The following CDC6 variants were observed in gnomAD, a reference collection of about 807,000 sequenced individuals.
The protein encoded by CDC6 is cell division cycle 6, also known as DNA replication factor CDC6.
Under a neutral mutation model 60.2 loss-of-function variants are expected in CDC6, and 46 were observed. The observed-to-expected ratio is 0.76, with a 90% CI of 0.60 to 0.98. CDC6 has a LOEUF of 0.98. Among genes scored for constraint, CDC6 ranks in the 50% least tolerant of loss-of-function variants. The pLI is 0.00. For synonymous variants in CDC6, 210 were observed against 233.2 expected (o/e 0.90, Z 0.90); for missense variants, 596 against 652.9 (o/e 0.91, Z 0.95).
Position 40,293,588 on chromosome 17 carries a change from A to T in CDC6, c.793A>T (p.Arg265Trp). The T allele has an allele frequency of 1.2e-6, 2 of 1,613,892 alleles. No individual in the cohort carries two copies. Among genetic ancestry groups the T allele is most frequent in the Non-Finnish European group, 1.7e-6 (2 of 1,179,726 alleles). The change falls in exon 5 of 12, where the codon AGG (arginine) becomes TGG (tryptophan). Residue 265 changes from arginine to tryptophan, a missense_variant. Arg to Trp is a moderately radical substitution (Grantham distance 101, BLOSUM62 -3). Coordinates refer to ENST00000209728, the MANE Select transcript of CDC6 (RefSeq NM_001254.4). ...CAGGCCAGCTGGGAAGGACATGATGAGGAAATTGGAAAAACATATGACTGC... is the reference window on the plus strand; with the variant it reads ...CAGGCCAGCTGGGAAGGACATGATGTGGAAATTGGAAAAACATATGACTGC... Reference protein sequence around the residue: ...VSRPAGKDMMRKLEKHMTAEK... With the variant: ...VSRPAGKDMMWKLEKHMTAEK...
intron 9 of CDC6, among the ~76,000 whole-genome samples, 156 bp downstream of exon 9, chr17:40,296,923 A>G (rs918872676): frequency 3.9e-5 from 6 of 152,170 alleles, no homozygotes; most frequent in African/African-American, 1.4e-4. Context: ...CTTTATTTCA[A>G]TCTTGCCTGC....
intron 9 of CDC6, 103 bp downstream of exon 9, chr17:40,296,870 A>C: frequency 3.6e-6 from 3 of 838,566 alleles, no homozygotes; most frequent in Non-Finnish European, 6.3e-6. Flanking sequence ...ATCCAAACTC[A>C]CCCATTTTTA....
intron 9 of CDC6, among the ~76,000 whole-genome samples, chr17:40,298,150 G>A (rs2032884061): frequency 6.6e-6 from 1 of 152,008 alleles, no homozygotes; most frequent in Non-Finnish European, 1.5e-5. Flanking sequence ...TTCAGAAGTA[G>A]CCAAAAATAG....
chr17:40,293,306 T>G, intron 4 of CDC6, 150 bp from the exon 5 acceptor site: 1 of 658,720 alleles, frequency 1.5e-6, no homozygotes, highest in Admixed American at 2.7e-5. Context: ...TTCTTCAAAA[T>G]AAAACATTTG....
chr17:40,296,502 TG>T (rs2032861844), intron 8 of CDC6, among the ~76,000 whole-genome samples, 200 bp from the exon 9 acceptor site: 1 of 152,134 alleles, frequency 6.6e-6, no homozygotes, highest in Non-Finnish European at 1.5e-5. Context: ...CAGTTTTGTT[TG>T]GGGGCTTTAA....
At position 40,296,571 on chromosome 17, in the gene CDC6, G is replaced by C. The variant is rs2032862900; in HGVS notation, c.1185-132G>C. The C allele has an allele frequency of 5.9e-6, 4 of 678,332 alleles. No individual in the cohort carries two copies. The Admixed American group carries it at 9.1e-5, about 15-fold the overall frequency. 42.0% of individuals were successfully genotyped at this position (678,332 alleles called of 1,614,324 possible). A position where few individuals can be genotyped will look rare whatever the true frequency, so the allele number is the denominator to read the frequency against. The stretch of plus-strand genomic sequence containing the variant: ...GTAGGATATGTGTAGGCTAAACCAT[G>C]TTAGCCTACATGACCATTGTTCATA... On this transcript the variant is annotated intron_variant, in intron 8 of 11. Transcript: ENST00000209728.
At chr17:40,296,890 G>A (rs2032866675) in intron 9 of CDC6, 123 bp downstream of exon 9, 5 of 770,074 alleles carry the variant, frequency 6.5e-6, no homozygotes, top group Middle Eastern at 3.3e-4. Context: ...ATGTGTGTCT[G>A]TGTTTTTAGT....
At chr17:40,291,415 G>A in intron 3 of CDC6, 54 bp from the exon 4 acceptor site, 1 of 1,611,348 alleles carries the variant, frequency 6.2e-7, no homozygotes, top group Non-Finnish European at 8.5e-7. Context: ...CCACCCACTG[G>A]GTCTTCTCAT....
At chr17:40,294,593 G>T (rs1462797828) in intron 7 of CDC6, 90 bp downstream of exon 7, 18 of 1,284,622 alleles carry the variant, frequency 1.4e-5, no homozygotes, top group Admixed American at 5.0e-5. Context: ...TTTTTGCCTT[G>T]ATTGCTTTAT....
At chr17:40,301,233 A>AT (rs1447495561) in intron 10 of CDC6, among the ~76,000 whole-genome samples, 2 of 152,020 alleles carry the variant, frequency 1.3e-5, no homozygotes, top group Admixed American at 6.6e-5. Context: ...TCCTTTCCCT[A>AT]TCCTCCCCTT....
intron 8 of CDC6, 189 bp downstream of exon 8, chr17:40,295,645 T>G (rs2032847345): frequency 1.6e-6 from 1 of 606,672 alleles, no homozygotes; most frequent in Admixed American, 2.8e-5. Flanking sequence ...TGAAACATTA[T>G]CAGTCCATTA....
intron 1 of CDC6, among the ~76,000 whole-genome samples, chr17:40,288,386 G>T (rs1246547440): frequency 6.6e-6 from 1 of 152,124 alleles, no homozygotes; most frequent in African/African-American, 2.4e-5. Context: ...CTGGAGGGAG[G>T]AAACTAGAAG....
rs756679528 is a variant in CDC6, at chr17:40,293,500, C to G, written c.705C>G (p.Ser235=). The change falls in exon 5 of 12, where the codon TCC becomes TCG. Residue 235 remains serine (S), a synonymous_variant. Coordinates refer to ENST00000209728, the MANE Select transcript of CDC6 (RefSeq NM_001254.4). The part of the protein sequence containing the change: ...GFKTIMLNCM[S]LRTAQAVFPA... The stretch of plus-strand genomic sequence containing the variant: ...AAACTATCATGCTGAATTGCATGTC[C>G]TTGAGGACTGCCCAGGCTGTATTCC... 1.2e-6 allele frequency: 2 copies of G among 1,613,826 alleles called. No individual in the cohort carries two copies. The highest frequency in any genetic ancestry group is 2.2e-5 in the East Asian group (1 of 44,890).
chr17:40,301,726 T>C, intron 11 of CDC6, 118 bp downstream of exon 11: 1 of 1,167,816 alleles, frequency 8.6e-7, no homozygotes, highest in Non-Finnish European at 1.3e-6. Context: ...CGTTTTTTGT[T>C]AGGTAAGGTT....
Position 40,301,927 on chromosome 17 carries a change from G to A in CDC6, c.1609G>A (p.Glu537Lys). 2 of 1,589,558 alleles carry A rather than the reference G, an allele frequency of 1.3e-6. No individual in the cohort carries two copies. The highest frequency in any genetic ancestry group is 1.7e-6 in the Non-Finnish European group (2 of 1,157,828). The change falls in exon 12 of 12, where the codon GAA becomes AAA. Residue 537 changes from glutamate (E) to lysine (K), a missense_variant. Physicochemically the swap from Glu to Lys is moderately conservative, Grantham distance 56. Transcript: ENST00000209728. ...TRLTKVFFKIEEKEIEHALKD... is the reference protein window; with the variant it reads ...TRLTKVFFKIKEKEIEHALKD... ...TTCTTTCCAGGTGTTTTTCAAGATT[G>A]AAGAGAAAGAAATAGAACATGCTCT... is the stretch of plus-strand genomic sequence containing the variant.
chr17:40,287,907 GT>G lies in CDC6; in HGVS notation c.-194del. The G allele has an allele frequency of 6.5e-6, 1 of 153,174 alleles. No individual in the cohort carries two copies. The highest frequency in any genetic ancestry group is 6.5e-5 in the Admixed American group (1 of 15,292). The allele number at this position is 153,174 out of a possible 1,614,324, so 9.5% of individuals were successfully genotyped here. A position where few individuals can be genotyped will look rare whatever the true frequency, so the allele number is the denominator to read the frequency against. ...CGGATTTGGCGCGAGCGCGGCTGGA[GT>G]TTGCTGCTGCCGCTGTGCAGTTTGT... On this transcript the variant is annotated 5_prime_UTR_variant, in exon 1 of 12. Coordinates refer to ENST00000209728, the MANE Select transcript of CDC6 (RefSeq NM_001254.4).
Position 40,294,370 on chromosome 17 carries a change from C to G in CDC6, c.950C>G (p.Ala317Gly), listed in dbSNP as rs908499387. 10 of 1,602,766 alleles carry G rather than the reference C, an allele frequency of 6.2e-6. No homozygotes were observed. The highest frequency in any genetic ancestry group is 8.5e-6 in the Non-Finnish European group (10 of 1,170,060). Residue 317 changes from alanine (A) to glycine (G), a missense_variant, in exon 7 of 12, where the codon GCT becomes GGT. Coordinates refer to ENST00000209728, the MANE Select transcript of CDC6 (RefSeq NM_001254.4). ...TTGTTGATCTCCTCCTTAGGTATTG[C>G]TAATACCCTGGATCTCACAGATAGA... ...SNSHLVLIGI[A>G]NTLDLTDRIL...
At chr17:40,292,204 T>C (rs2032774501) in intron 4 of CDC6, among the ~76,000 whole-genome samples, 1 of 152,254 alleles carries the variant, frequency 6.6e-6, no homozygotes, top group Admixed American at 6.5e-5. Flanking sequence ...ACCCAGCTAA[T>C]TTTTTGTAGA....
chr17:40,297,190 A>ACACCTGTAATCC (rs1250175251), intron 9 of CDC6, among the ~76,000 whole-genome samples: 56 of 152,172 alleles, frequency 3.7e-4, no homozygotes, highest in Non-Finnish European at 6.3e-4. Flanking sequence ...TAATCCCAGC[A>ACACCTGTAATCC]CTTTGGGAGG....
Sources: allele counts gnomAD v4.1 joint callset (sites outside exome capture counted in the v4.1 genomes callset), GRCh38; gene constraint gnomAD v4.1.1; transcripts MANE v1.5; gene names NCBI Gene and HGNC (gene_info 2026-07-23, HGNC 2026-07-21).